TARBP1: variants seen among roughly 807,000 people sequenced by gnomAD.
TARBP1 encodes the protein tRNA (guanosine(18)-2'-O)-methyltransferase TARBP1.
A neutral mutation model predicts 178.6 loss-of-function variants in TARBP1; 144 were observed. The observed-to-expected ratio is 0.81, with a 90% CI of 0.70 to 0.93. The LOEUF is 0.93. TARBP1 is among the 40% of genes least tolerant of loss of function. TARBP1 has a pLI of 0.00. For missense variants in TARBP1, 2,067 were observed against 2,011.7 expected (o/e 1.03, Z -0.53); for synonymous variants, 787 against 781.0 (o/e 1.01, Z -0.13).
At chr1:234,407,730 T>G (rs1661411914) in intron 23 of TARBP1, 1 of 152,198 alleles carries the variant, frequency 6.6e-6, no homozygotes, top group Non-Finnish European at 1.5e-5. Flanking sequence ...TTTATTTTGT[T>G]GCTCACACTG....
In TARBP1 at chr1:234,469,933, A is replaced by G. The variant is rs185329431; in HGVS notation, c.1099+1255T>C. Among the ~76,000 whole-genome samples the G allele has an allele frequency of 2.0e-5, 3 of 152,366 alleles. No homozygotes were observed. In the East Asian group the frequency reaches 5.8e-4, roughly 29 times the overall value. On this transcript the variant is annotated intron_variant, in intron 3 of 29. Transcript: ENST00000040877. ...ACACTGGAAAAGATATACTAAGAGA[A>G]TAAGAATGGAAACCAGTTAAAAAGA...
chr1:234,456,122 T>C (rs1667248679), intron 9 of TARBP1, among the ~76,000 whole-genome samples: 1 of 152,232 alleles, frequency 6.6e-6, no homozygotes, highest in Non-Finnish European at 1.5e-5. Flanking sequence ...TTAAAATTAT[T>C]GAAATACAGC....
In TARBP1 at chr1:234,478,584, C is replaced by T. The variant is rs1334791487; in HGVS notation, c.520G>A (p.Gly174Arg). 3 of 1,293,154 alleles carry T rather than the reference C, an allele frequency of 2.3e-6. No homozygotes were observed. In the Admixed American group the frequency reaches 1.2e-4, roughly 51 times the overall value. 80.1% of individuals were successfully genotyped at this position (1,293,154 alleles called of 1,614,324 possible). ...CCGGCCTCATCCCCGTCCCCGCCCCCGCCCAGCGCCAGGGCGACGGCGGTC... is the reference window on the plus strand; with the variant it reads ...CCGGCCTCATCCCCGTCCCCGCCCCTGCCCAGCGCCAGGGCGACGGCGGTC... The part of the protein sequence containing the change: ...AGTAVALALG[G>R]GGDGDEAGPA... Residue 174 changes from glycine (G) to arginine (R), a missense_variant, in exon 1 of 30, where the codon GGG becomes AGG. Coordinates refer to ENST00000040877, the MANE Select transcript of TARBP1 (RefSeq NM_005646.4).
In TARBP1 at chr1:234,430,188, C is replaced by A. The variant is rs1367555305; in HGVS notation, c.2508G>T (p.Gly836=). The change falls in exon 15 of 30, where the codon GGG becomes GGT. Residue 836 remains glycine (G), a synonymous_variant. Transcript: ENST00000040877. The part of the protein sequence containing the change: ...PELQLDSLHA[G]PLESFLSSLQ... ...GAGAGGAAAGGAAGCTTTCCAGGGG[C>A]CCAGCATGGAGAGAGTCCAGCTGCA... 1 of 1,614,080 alleles carries A rather than the reference C, an allele frequency of 6.2e-7. No individual in the cohort carries two copies. Among genetic ancestry groups the A allele is most frequent in the African/African-American group, 1.3e-5 (1 of 74,932 alleles).
At chr1:234,415,631 A>T (rs1279954871) in intron 22 of TARBP1, among the ~76,000 whole-genome samples, 1 of 152,066 alleles carries the variant, frequency 6.6e-6, no homozygotes, top group Non-Finnish European at 1.5e-5. Flanking sequence ...TCCATTTCTG[A>T]TTCCTAAATT....
At chr1:234,392,716 T>A in intron 28 of TARBP1, 164 bp from the exon 29 acceptor site, 1 of 439,502 alleles carries the variant, frequency 2.3e-6, no homozygotes, top group Non-Finnish European at 3.7e-6. Flanking sequence ...TCAATTTCTT[T>A]TTTTTTTTTT....
chr1:234,411,667 A>G (rs767684561), intron 22 of TARBP1, among the ~76,000 whole-genome samples: 1 of 152,236 alleles, frequency 6.6e-6, no homozygotes, highest in Non-Finnish European at 1.5e-5. Context: ...AACCTATAGA[A>G]GACTTAATCA....
chr1:234,475,510 C>T (rs891736054), intron 1 of TARBP1, among the ~76,000 whole-genome samples: 8 of 152,328 alleles, frequency 5.3e-5, no homozygotes, highest in African/African-American at 1.9e-4. Flanking sequence ...GAGGGCAGGA[C>T]GCTACACCCA....
intron 12 of TARBP1, among the ~76,000 whole-genome samples, chr1:234,440,298 A>C (rs1222212453): frequency 1.3e-5 from 2 of 152,116 alleles, no homozygotes; most frequent in Non-Finnish European, 2.9e-5. Flanking sequence ...TAAAAGGAAA[A>C]AAAGGCAAAA....
chr1:234,431,310 A>C (rs1664409594), intron 14 of TARBP1, among the ~76,000 whole-genome samples: 1 of 152,222 alleles, frequency 6.6e-6, no homozygotes, highest in Admixed American at 6.5e-5. Context: ...GTCCCTGCTA[A>C]CCTTAATGTA....
chr1:234,479,140 A>ATG lies in TARBP1; in HGVS notation c.-38_-37insCA. 1 of 1,492,692 alleles carries ATG rather than the reference A, an allele frequency of 6.7e-7. No individual in the cohort carries two copies. Among genetic ancestry groups the ATG allele is most frequent in the Non-Finnish European group, 8.8e-7 (1 of 1,134,936 alleles). 92.5% of individuals were successfully genotyped at this position (1,492,692 alleles called of 1,614,324 possible). ...CCGCGCCACCGGCCCGGGCTCCCAA[A>ATG]GGAAGGCGCCGGCGTGTGCGATGCG... On this transcript the variant is annotated 5_prime_UTR_variant, in exon 1 of 30. Coordinates refer to ENST00000040877, the MANE Select transcript of TARBP1 (RefSeq NM_005646.4).
At chr1:234,456,784 G>T (rs1039242731) in intron 9 of TARBP1, among the ~76,000 whole-genome samples, 20 of 152,048 alleles carry the variant, frequency 1.3e-4, no homozygotes, top group Non-Finnish European at 1.5e-5. Flanking sequence ...CAAAAAATAT[G>T]AATTTAGTTT....
Position 234,425,674 on chromosome 1 carries a change from T to G in TARBP1, c.3443A>C (p.Lys1148Thr). The change falls in exon 20 of 30, where the codon AAA (lysine) becomes ACA (threonine). Residue 1148 changes from lysine (K) to threonine (T), a missense_variant and splice_region_variant. Physicochemically the swap from Lys to Thr is moderately conservative, Grantham distance 78. Transcript: ENST00000040877. Reference protein sequence around the residue: ...IEDLAIKLLDKDELVSKSKKR... With the variant: ...IEDLAIKLLDTDELVSKSKKR... ...TAATTTAAAGTAAAATACACTTACTTTATCTAATAGCTTGATTGCAAGATC... is the reference window on the plus strand; with the variant it reads ...TAATTTAAAGTAAAATACACTTACTGTATCTAATAGCTTGATTGCAAGATC... 6.2e-7 allele frequency: 1 copy of G among 1,610,704 alleles called. No homozygotes were observed. The highest frequency in any genetic ancestry group is 8.5e-7 in the Non-Finnish European group (1 of 1,178,920).
At chr1:234,419,181 T>A (rs1268008222) in intron 21 of TARBP1, among the ~76,000 whole-genome samples, 7 of 151,200 alleles carry the variant, frequency 4.6e-5, no homozygotes, top group Non-Finnish European at 7.4e-5. Context: ...TCAAAAAAAA[T>A]AAAAATAAAA....
At chr1:234,427,433 GA>G (rs767343382) in intron 18 of TARBP1, 45 bp from the exon 19 acceptor site, 19 of 1,520,522 alleles carry the variant, frequency 1.2e-5, no homozygotes, top group South Asian at 6.2e-5. Flanking sequence ...GTTTTAAATA[GA>G]AAAAAAATTA....
intron 6 of TARBP1, among the ~76,000 whole-genome samples, chr1:234,463,267 G>A (rs1487461696): frequency 6.6e-6 from 1 of 152,104 alleles, no homozygotes; most frequent in Non-Finnish European, 1.5e-5. Context: ...GGGACTACAG[G>A]TACACACCAT....
intron 24 of TARBP1, among the ~76,000 whole-genome samples, chr1:234,403,449 GATTT>G (rs919125485): frequency 9.9e-5 from 15 of 151,970 alleles, no homozygotes; most frequent in African/African-American, 3.6e-4. Context: ...ACTTTTCTGT[GATTT>G]ATTTTAAAAC....
rs758668722 is a variant in TARBP1, at chr1:234,429,418, T to C, written c.2869A>G (p.Lys957Glu). The change falls in exon 16 of 30, where the codon AAG becomes GAG. Residue 957 changes from lysine to glutamate, a missense_variant and splice_region_variant. By Grantham distance (56) the Lys-to-Glu change is moderately conservative (BLOSUM62 1). Coordinates refer to ENST00000040877, the MANE Select transcript of TARBP1 (RefSeq NM_005646.4). ...ATTCATGTTTCACTCTATCTTACCT[T>C]GGGAACCAACACTTTCAAGCAATGG... ...VFHCLKVLVP[K>E]LLTSSESLCI... The C allele has an allele frequency of 6.2e-6, 10 of 1,609,142 alleles. No homozygotes were observed. In the South Asian group the frequency reaches 1.1e-4, roughly 18 times the overall value.
intron 5 of TARBP1, 134 bp from the exon 6 acceptor site, chr1:234,464,068 C>G (rs1019330448): frequency 2.4e-5 from 11 of 465,954 alleles, no homozygotes; most frequent in African/African-American, 1.2e-4. Context: ...TTTTCTGAAC[C>G]TGCATTTCAT....
Sources: allele counts gnomAD v4.1 joint callset (sites outside exome capture counted in the v4.1 genomes callset), GRCh38; gene constraint gnomAD v4.1.1; transcripts MANE v1.5; gene names NCBI Gene and HGNC (gene_info 2026-07-23, HGNC 2026-07-21).